Variants in LRP1B observed in about 807,000 individuals in gnomAD.
The protein encoded by LRP1B is LDL receptor related protein 1B.
In LRP1B, 217 loss-of-function variants were observed where a neutral mutation model predicts 556.6. The ratio of observed to expected loss-of-function variants is 0.39; its 90% confidence interval spans 0.35 to 0.44. The LOEUF (loss-of-function observed/expected upper bound fraction) is 0.44. Among genes scored for constraint, LRP1B ranks in the 20% least tolerant of loss-of-function variants. The pLI, the probability that LRP1B is intolerant of heterozygous loss-of-function variation, is 1.00. For synonymous variants in LRP1B, 2,047 were observed against 1,865.8 expected, an observed-to-expected ratio of 1.10 and a Z score of -2.50; for missense variants, 5,053 against 5,620.8, an observed-to-expected ratio of 0.90 and a Z score of 3.23.
At chr2:142,084,168 G>T (rs997797504) in intron 1 of LRP1B, among the ~76,000 whole-genome samples, 3 of 152,026 alleles carry the variant, frequency 2.0e-5, no homozygotes, top group African/African-American at 7.3e-5. Flanking sequence ...TTTTAGTAGA[G>T]ACTGGGTTTC....
intron 1 of LRP1B, among the ~76,000 whole-genome samples, chr2:142,012,180 G>A (rs72853665): frequency 0.037 from 5,561 of 152,042 alleles, 139 homozygotes; most frequent in Non-Finnish European, 0.053. Context: ...AATTAGGTAG[G>A]ACTGATTATT....
chr2:140,818,717 T>A (rs1283712928), intron 31 of LRP1B, among the ~76,000 whole-genome samples: 2 of 152,048 alleles, frequency 1.3e-5, no homozygotes, highest in African/African-American at 4.8e-5. Context: ...GGTGGATTAC[T>A]TTCAGTTAAG....
At chr2:140,381,476 C>A (rs561178359) in intron 67 of LRP1B, among the ~76,000 whole-genome samples, 368 of 152,200 alleles carry the variant, frequency 2.4e-3, no homozygotes, top group Middle Eastern at 0.014. Flanking sequence ...TTTCCATAAA[C>A]CTCATCTAGA....
At chr2:141,244,980 T>C (rs1573704789) in intron 5 of LRP1B, among the ~76,000 whole-genome samples, 2 of 152,294 alleles carry the variant, frequency 1.3e-5, no homozygotes, top group East Asian at 1.9e-4. Context: ...TAGGACATTA[T>C]CATGTTCCAT....
intron 2 of LRP1B, among the ~76,000 whole-genome samples, chr2:141,637,107 C>A (rs936881764): frequency 2.6e-5 from 4 of 151,918 alleles, no homozygotes; most frequent in Non-Finnish European, 5.9e-5. Context: ...TGAACTATGA[C>A]AGAAAACGCA....
At chr2:140,625,025 T>C (rs1683605837) in intron 41 of LRP1B, among the ~76,000 whole-genome samples, 1 of 151,850 alleles carries the variant, frequency 6.6e-6, no homozygotes, top group African/African-American at 2.4e-5. Context: ...GAAAAAGAAA[T>C]AGGAGCAGAG....
chr2:140,959,104 T>A (rs1417982758), intron 18 of LRP1B, among the ~76,000 whole-genome samples: 1 of 151,378 alleles, frequency 6.6e-6, no homozygotes, highest in Non-Finnish European at 1.5e-5. Context: ...AAGACAGTTT[T>A]GGTGGAATGG....
At chr2:140,739,793 T>C (rs910731636) in intron 35 of LRP1B, among the ~76,000 whole-genome samples, 1 of 152,144 alleles carries the variant, frequency 6.6e-6, no homozygotes. Context: ...AAAGGACTGA[T>C]ATCCAGAAAC....
chr2:140,688,062 T>C (rs1045520365), intron 41 of LRP1B, among the ~76,000 whole-genome samples: 40 of 152,278 alleles, frequency 2.6e-4, no homozygotes, highest in African/African-American at 9.4e-4. Context: ...CTTCTAATCC[T>C]ACATCATGGA....
At chr2:140,478,194 C>G (rs11896573) in intron 59 of LRP1B, among the ~76,000 whole-genome samples, 6,723 of 143,828 alleles carry the variant, frequency 0.047, 197 homozygotes, top group African/African-American at 0.051. Flanking sequence ...CTGTTGCCCA[C>G]GCTGGAGTGC....
At chr2:140,932,600 C>T (rs1180174023) in intron 20 of LRP1B, among the ~76,000 whole-genome samples, 3 of 152,024 alleles carry the variant, frequency 2.0e-5, no homozygotes, top group Non-Finnish European at 2.9e-5. Context: ...AACCCAGGCA[C>T]AGTGGCTAAT....
At position 140,827,559 on chromosome 2, in the gene LRP1B, A is replaced by G. The variant is rs796127804; in HGVS notation, c.5209+12432T>C. Among the ~76,000 whole-genome samples the G allele has an allele frequency of 2.6e-5, 4 of 152,142 alleles. No individual in the cohort carries two copies. The South Asian group carries it at 8.3e-4, about 31-fold the overall frequency. On this transcript the variant is annotated intron_variant, in intron 31 of 90. Coordinates refer to ENST00000389484, the MANE Select transcript of LRP1B (RefSeq NM_018557.3). ...GCTTAAAGAGAGGCTATCAGAAAACATACAGTAAAAGGATAAAAAAGAAAA... is the reference window on the plus strand; with the variant it reads ...GCTTAAAGAGAGGCTATCAGAAAACGTACAGTAAAAGGATAAAAAAGAAAA...
At position 141,828,656 on chromosome 2, in the gene LRP1B, T is replaced by A. The variant is rs558665460; in HGVS notation, c.83-18255A>T. ...CTCGTGCTGGTTTCACAAGATGCCT[T>A]CAATCTAGTCAAAGCTGATTGGATC... On this transcript the variant is annotated intron_variant, in intron 1 of 90. Transcript: ENST00000389484. 4.5e-4 allele frequency among the ~76,000 whole-genome samples: 69 copies of A among 152,204 alleles called. 1 individual carries two copies. The highest frequency in any genetic ancestry group is 1.6e-3 in the African/African-American group (67 of 41,562).
intron 7 of LRP1B, among the ~76,000 whole-genome samples, chr2:141,096,134 A>G (rs1201939565): frequency 6.6e-6 from 1 of 152,044 alleles, no homozygotes; most frequent in African/African-American, 2.4e-5. Flanking sequence ...TTTCTTTCCT[A>G]TTATACTTCC....
chr2:140,739,241 T>C (rs945763958), intron 35 of LRP1B, among the ~76,000 whole-genome samples: 2 of 152,240 alleles, frequency 1.3e-5, no homozygotes, highest in African/African-American at 2.4e-5. Context: ...AGAAAGAACA[T>C]TGTAGCCTTT....
At chr2:140,820,383 A>G (rs1274558016) in intron 31 of LRP1B, among the ~76,000 whole-genome samples, 1 of 152,142 alleles carries the variant, frequency 6.6e-6, no homozygotes, top group African/African-American at 2.4e-5. Flanking sequence ...TTTTCATTTC[A>G]CCCTGTCAGT....
In LRP1B at chr2:140,721,808, C is replaced by T. The variant is rs189661069; in HGVS notation, c.5759-4992G>A. Reference sequence around the variant, plus strand: ...TCCTGACCTCGTGATCCGTCCACCTCGGCTTTTGACATACCGCAGGAGACT... The same window carrying T: ...TCCTGACCTCGTGATCCGTCCACCTTGGCTTTTGACATACCGCAGGAGACT... On this transcript the variant is annotated intron_variant, in intron 35 of 90. Transcript: ENST00000389484. 2.9e-4 allele frequency among the ~76,000 whole-genome samples: 44 copies of T among 151,352 alleles called. No homozygotes were observed. The East Asian group carries it at 5.8e-3, about 20-fold the overall frequency.
At chr2:141,757,592 A>G (rs934658827) in intron 2 of LRP1B, among the ~76,000 whole-genome samples, 3 of 152,116 alleles carry the variant, frequency 2.0e-5, no homozygotes, top group Non-Finnish European at 4.4e-5. Flanking sequence ...TTGCTCTGTC[A>G]CCCAGGATGG....
intron 84 of LRP1B, 127 bp from the exon 85 acceptor site, chr2:140,274,725 T>C (rs1447452159): frequency 1.4e-6 from 1 of 700,274 alleles, no homozygotes; most frequent in East Asian, 2.7e-5. Context: ...AAAAGCAGCT[T>C]ATAATTACAC....
Sources: allele counts gnomAD v4.1 joint callset (sites outside exome capture counted in the v4.1 genomes callset), GRCh38; gene constraint gnomAD v4.1.1; transcripts MANE v1.5; gene names NCBI Gene and HGNC (gene_info 2026-07-23, HGNC 2026-07-21).